The following TBC1D24 variants were observed in gnomAD, a reference collection of about 807,000 sequenced individuals.
TBC1D24 encodes Infantile myoclonic epilepsy.
In TBC1D24, 47 loss-of-function variants were observed where a neutral mutation model predicts 50.7. The ratio of observed to expected loss-of-function variants is 0.93; its 90% CI spans 0.73 to 1.18. The LOEUF (loss-of-function observed/expected upper bound fraction) is 1.18, where lower values mean the gene tolerates loss of function less well. Ranked by LOEUF, TBC1D24 falls within the 50% of genes most tolerant of loss-of-function variation. The pLI is 0.00. For missense variants in TBC1D24, 688 were observed against 766.5 expected, an observed-to-expected ratio of 0.90 and a Z score of 1.21; for synonymous variants, 324 against 335.2, an observed-to-expected ratio of 0.97 and a Z score of 0.36.
chr16:2,494,389 G>C (rs2065720449), intron 1 of TBC1D24, among the ~76,000 whole-genome samples: 1 of 150,940 alleles, frequency 6.6e-6, no homozygotes. Context: ...TCCAGCCCGT[G>C]CGACAGTGCA....
chr16:2,500,132 C>T lies in TBC1D24; in HGVS notation c.1303-136C>T. 2.0e-6 allele frequency: 2 copies of T among 1,004,282 alleles called. No individual in the cohort carries two copies. The highest frequency in any genetic ancestry group is 3.1e-6 in the Non-Finnish European group (2 of 654,292). 62.2% of individuals were successfully genotyped at this position (1,004,282 alleles called of 1,614,324 possible). ...GGGCTTCATCTGCTCGAGCCACCAG[C>T]TCCCCAGCCCCTGGCTCGGGCTGCA... On this transcript the variant is annotated intron_variant, in intron 6 of 7. Coordinates refer to ENST00000646147, the MANE Select transcript of TBC1D24 (RefSeq NM_001199107.2). This position sits in a 1 kb window ranked among gnomAD's most constrained non-coding sequence, Gnocchi z 8.0.
chr16:2,479,836 T>C (rs1455525834), intron 1 of TBC1D24: 2 of 151,984 alleles, frequency 1.3e-5, no homozygotes, highest in African/African-American at 4.8e-5. Flanking sequence ...TGTTAATTGT[T>C]TTTTTTTTCT....
rs1596972436 is a variant in TBC1D24 at position 2,500,091 on chromosome 16, G to T, written c.1302+161G>T. Among the ~76,000 whole-genome samples the T allele has an allele frequency of 6.6e-6, 1 of 152,096 alleles. No homozygotes were observed. Among genetic ancestry groups the T allele is most frequent in the African/African-American group, 2.4e-5 (1 of 41,406 alleles). On this transcript the variant is annotated intron_variant, in intron 6 of 7. Transcript: ENST00000646147. The surrounding 1 kb of genome is among the most constrained non-coding windows in gnomAD (Gnocchi z 8.0). ...TCCGGGTTTGATCATTCAGCCGTGC[G>T]CTGCTCCGGGGCAGGGGGCTTCATC... is the stretch of plus-strand genomic sequence containing the variant.
Position 2,475,470 on chromosome 16 carries a change from G to T in TBC1D24, c.-116+300G>T, listed in dbSNP as rs1365772398. Among the ~76,000 whole-genome samples the T allele has an allele frequency of 6.6e-6, 1 of 151,924 alleles. No homozygotes were observed. The highest frequency in any genetic ancestry group is 2.1e-4 in the South Asian group (1 of 4,818). ...GCGGCCCGGCCCAGGGCATGGTGTC[G>T]TCTGGAAGAGTGACTGTGTCACTGT... On this transcript the variant is annotated intron_variant, in intron 1 of 7. Transcript: ENST00000646147. The surrounding 1 kb of genome is among the most constrained non-coding windows in gnomAD (Gnocchi z 4.2).
intron 1 of TBC1D24, among the ~76,000 whole-genome samples, chr16:2,495,743 T>TAA (rs1401206561): frequency 6.6e-6 from 1 of 151,770 alleles, no homozygotes; most frequent in African/African-American, 2.4e-5. Flanking sequence ...CGTGACACTG[T>TAA]ACTCCAGCCT....
At position 2,487,961 on chromosome 16, in the gene TBC1D24, G is replaced by A. The variant is rs548163215; in HGVS notation, c.-115-8073G>A. On this transcript the variant is annotated intron_variant, in intron 1 of 7. Transcript: ENST00000646147. The surrounding 1 kb of genome is among the most constrained non-coding windows in gnomAD (Gnocchi z 4.1). ...CAGCTGTGGGGTTGTGTTCCGCCCC[G>A]AGGCTGGGGTGAGCTGCTTGTCTGC... 5.3e-4 allele frequency among the ~76,000 whole-genome samples: 80 copies of A among 152,332 alleles called. No individual in the cohort carries two copies. The highest frequency in any genetic ancestry group is 1.8e-3 in the African/African-American group (75 of 41,562).
At position 2,482,489 on chromosome 16, in the gene TBC1D24, A is replaced by G; in HGVS notation, c.-116+7319A>G. 6.6e-6 allele frequency among the ~76,000 whole-genome samples: 1 copy of G among 152,182 alleles called. No individual in the cohort carries two copies. Among genetic ancestry groups the G allele is most frequent in the African/African-American group, 2.4e-5 (1 of 41,452 alleles). On this transcript the variant is annotated intron_variant, in intron 1 of 7. Coordinates refer to ENST00000646147, the MANE Select transcript of TBC1D24 (RefSeq NM_001199107.2). This position sits in a 1 kb window ranked among gnomAD's most constrained non-coding sequence, Gnocchi z 5.2. ...TGCCACTCTGAACAGTGACATTCCC[A>G]CAGTGTAGTGTGGGGACTGCAGTTG...
rs770107050 is a variant in TBC1D24 at position 2,496,767 on chromosome 16, C to A, written c.619C>A (p.Gln207Lys). ...GGTGGCCGTGTCGGAGGATGTCCTGCAGGTCTATGCGGACTGGCAGCGCTG... is the reference window on the plus strand; with the variant it reads ...GGTGGCCGTGTCGGAGGATGTCCTGAAGGTCTATGCGGACTGGCAGCGCTG... ...LMVAVSEDVL[Q>K]VYADWQRWLF... is the part of the protein sequence containing the mutation. The change falls in exon 2 of 8, where the codon CAG (glutamine) becomes AAG (lysine). Residue 207 changes from glutamine to lysine, a missense_variant. Physicochemically the swap from Gln to Lys is moderately conservative, Grantham distance 53. Transcript: ENST00000646147. 6.2e-7 allele frequency: 1 copy of A among 1,614,002 alleles called. No homozygotes were observed. The highest frequency in any genetic ancestry group is 8.5e-7 in the Non-Finnish European group (1 of 1,180,050).
chr16:2,487,215 C>T lies in TBC1D24; in HGVS notation c.-115-8819C>T, dbSNP rs997239479. 6.6e-6 allele frequency among the ~76,000 whole-genome samples: 1 copy of T among 152,242 alleles called. No individual in the cohort carries two copies. Among genetic ancestry groups the T allele is most frequent in the African/African-American group, 2.4e-5 (1 of 41,466 alleles). On this transcript the variant is annotated intron_variant, in intron 1 of 7. Transcript: ENST00000646147. The surrounding 1 kb of genome is among the most constrained non-coding windows in gnomAD (Gnocchi z 4.1). ...TCCGCCCCTTCCACAGCAGCAGGCA[C>T]AGCCCTGCCCGTGGGGTTCCCCTAG...
Position 2,485,072 on chromosome 16 carries a change from AC to A in TBC1D24, c.-116+9903del, listed in dbSNP as rs1201117398. On this transcript the variant is annotated intron_variant, in intron 1 of 7. Coordinates refer to ENST00000646147, the MANE Select transcript of TBC1D24 (RefSeq NM_001199107.2). This position sits in a 1 kb window ranked among gnomAD's most constrained non-coding sequence, Gnocchi z 4.6. ...GTGTTCTTCCAGCCTCCCTCCACCTACTCTCCCAGCACCTCTGTGATGTTGT... is the reference window on the plus strand; with the variant it reads ...GTGTTCTTCCAGCCTCCCTCCACCTATCTCCCAGCACCTCTGTGATGTTGT... 6.8e-6 allele frequency: 1 copy of A among 146,202 alleles called. No individual in the cohort carries two copies. Among genetic ancestry groups the A allele is most frequent in the Non-Finnish European group, 1.5e-5 (1 of 66,304 alleles). The allele number at this position is 146,202 out of a possible 1,614,324, so 9.1% of individuals were successfully genotyped here. A position where few individuals can be genotyped will look rare whatever the true frequency, so the allele number is the denominator to read the frequency against.
In TBC1D24 at chr16:2,500,971, C is replaced by CGGTGACTGAGCCGT. The variant is rs1567415137; in HGVS notation, c.*18_*31dup. ...TGACACCCAGTGACGGCCTGTGCCA[C>CGGTGACTGAGCCGT]GGTGACTGAGCCGTGGTGGGGCGGT... On this transcript the variant is annotated 3_prime_UTR_variant, in exon 8 of 8. Transcript: ENST00000646147. This position sits in a 1 kb window ranked among gnomAD's most constrained non-coding sequence, Gnocchi z 8.0. 6.2e-7 allele frequency: 1 copy of CGGTGACTGAGCCGT among 1,608,200 alleles called. No individual in the cohort carries two copies.
chr16:2,497,655 T>C (rs2065755132), intron 2 of TBC1D24, 55 bp from the exon 3 acceptor site: 1 of 1,523,130 alleles, frequency 6.6e-7, no homozygotes, highest in African/African-American at 1.4e-5. Context: ...CACTAACCTC[T>C]CTTTGTCTGT....
intron 1 of TBC1D24, among the ~76,000 whole-genome samples, chr16:2,490,723 C>T (rs1031412719): frequency 6.6e-6 from 1 of 152,204 alleles, no homozygotes; most frequent in African/African-American, 2.4e-5. Context: ...AGGGAAGATG[C>T]ACGGCTTGTC....
Position 2,499,993 on chromosome 16 carries a change from C to T in TBC1D24, c.1302+63C>T. 7.0e-7 allele frequency: 1 copy of T among 1,437,508 alleles called. No homozygotes were observed. The highest frequency in any genetic ancestry group is 1.1e-5 in the South Asian group (1 of 87,626). The allele number at this position is 1,437,508 out of a possible 1,614,324, so 89.0% of individuals were successfully genotyped here. A position where few individuals can be genotyped will look rare whatever the true frequency, so the allele number is the denominator to read the frequency against. Reference sequence around the variant, plus strand: ...CCCTGTAGCTGCATCCCTCCAGGAGCACCCGCCTGCCCTGGGGACACTGTT... The same window carrying T: ...CCCTGTAGCTGCATCCCTCCAGGAGTACCCGCCTGCCCTGGGGACACTGTT... On this transcript the variant is annotated intron_variant, in intron 6 of 7. Coordinates refer to ENST00000646147, the MANE Select transcript of TBC1D24 (RefSeq NM_001199107.2). This position sits in a 1 kb window ranked among gnomAD's most constrained non-coding sequence, Gnocchi z 4.0.
rs1415105412 is a variant in TBC1D24 at position 2,482,859 on chromosome 16, C to T, written c.-116+7689C>T. 2.6e-5 allele frequency among the ~76,000 whole-genome samples: 4 copies of T among 152,110 alleles called. No homozygotes were observed. The highest frequency in any genetic ancestry group is 1.9e-4 in the East Asian group (1 of 5,186). On this transcript the variant is annotated intron_variant, in intron 1 of 7. Coordinates refer to ENST00000646147, the MANE Select transcript of TBC1D24 (RefSeq NM_001199107.2). The surrounding 1 kb of genome is among the most constrained non-coding windows in gnomAD (Gnocchi z 5.2). Reference sequence around the variant, plus strand: ...AGGGGATGCCTGGCAGGGAGGCAGGCGGGATGAGGCCCAAGGCAGCTGGGA... The same window carrying T: ...AGGGGATGCCTGGCAGGGAGGCAGGTGGGATGAGGCCCAAGGCAGCTGGGA...
intron 1 of TBC1D24, among the ~76,000 whole-genome samples, chr16:2,476,296 C>A (rs938932314): frequency 2.6e-5 from 4 of 152,220 alleles, no homozygotes; most frequent in Non-Finnish European, 5.9e-5. Flanking sequence ...GTTTCCTCCG[C>A]CCGAGGGCCA....
chr16:2,499,290 C>T lies in TBC1D24; in HGVS notation c.1143-67C>T. ...TTCGCCCCAAGACAGCTGGGGCCAGCGGAGGCTGCAGGAGGCGGCTGGGAG... is the reference window on the plus strand; with the variant it reads ...TTCGCCCCAAGACAGCTGGGGCCAGTGGAGGCTGCAGGAGGCGGCTGGGAG... On this transcript the variant is annotated intron_variant, in intron 4 of 7. Transcript: ENST00000646147. This position sits in a 1 kb window ranked among gnomAD's most constrained non-coding sequence, Gnocchi z 4.0. 4.1e-6 allele frequency: 6 copies of T among 1,457,806 alleles called. 1 individual carries two copies. The highest frequency in any genetic ancestry group is 3.5e-5 in the South Asian group (3 of 84,534). The allele number at this position is 1,457,806 out of a possible 1,614,324, so 90.3% of individuals were successfully genotyped here.
In TBC1D24 at chr16:2,497,090, G is replaced by C; in HGVS notation, c.942G>C (p.Lys314Asn). Residue 314 changes from lysine (K) to asparagine (N), a missense_variant, in exon 2 of 8, where the codon AAG becomes AAC. Lys to Asn is a moderately conservative substitution (Grantham distance 94). Transcript: ENST00000646147. Reference sequence around the variant, plus strand: ...CCAATGAGAAAGCCCTGAAGCAGAAGGGCATCACCGTGAAGCAGAAGAGGT... The same window carrying C: ...CCAATGAGAAAGCCCTGAAGCAGAACGGCATCACCGTGAAGCAGAAGAGGT... ...QMANEKALKQ[K>N]GITVKQKSVS... 2 of 1,606,566 alleles carry C rather than the reference G, an allele frequency of 1.2e-6. No homozygotes were observed. Among genetic ancestry groups the C allele is most frequent in the Non-Finnish European group, 1.7e-6 (2 of 1,180,006 alleles).
rs767925237 is a variant in TBC1D24, at chr16:2,500,475, G to T, written c.1510G>T (p.Asp504Tyr). The change falls in exon 7 of 8, where the codon GAC becomes TAC. Residue 504 changes from aspartate to tyrosine, a missense_variant. Coordinates refer to ENST00000646147, the MANE Select transcript of TBC1D24 (RefSeq NM_001199107.2). This position sits in a 1 kb window ranked among gnomAD's most constrained non-coding sequence, Gnocchi z 8.0. ...TESMFMAGGSDCLIVGGGGGQ... is the reference protein window; with the variant it reads ...TESMFMAGGSYCLIVGGGGGQ... ...GTCCATGTTCATGGCGGGGGGCAGC[G>T]ACTGCCTCATCGTCGGTGAGCGCCA... 9 of 1,573,690 alleles carry T rather than the reference G, an allele frequency of 5.7e-6. No homozygotes were observed. In the East Asian group the frequency reaches 1.6e-4, roughly 29 times the overall value.
Sources: gnomAD v4.1 joint callset for allele counts (sites outside exome capture counted in the v4.1 genomes callset) on GRCh38, gnomAD v4.1.1 for gene constraint, Gnocchi (gnomAD v3.1) non-coding constraint, MANE v1.5 for transcripts, NCBI Gene and HGNC (gene_info 2026-07-23, HGNC 2026-07-21) for gene names.